DIS3L2: variants seen among roughly 807,000 people sequenced by gnomAD.
The protein encoded by DIS3L2 is DIS3 like 3'-5' exoribonuclease 2.
A neutral mutation model predicts 97.5 loss-of-function variants in DIS3L2; 34 were observed. That is an observed-to-expected ratio of 0.35 (90% confidence interval 0.27 to 0.46). DIS3L2 has a LOEUF of 0.46. Among genes scored for constraint, DIS3L2 ranks in the 20% least tolerant of loss-of-function variants. The pLI, the probability that DIS3L2 is intolerant of heterozygous loss-of-function variation, is 1.00. For missense variants in DIS3L2, 1,038 were observed against 1,146.0 expected (o/e 0.91, Z 1.36); for synonymous variants, 435 against 445.2 (o/e 0.98, Z 0.29).
Position 231,967,675 on chromosome 2 carries a change from A to AT in DIS3L2, c.-94+5917dup, listed in dbSNP as rs761766064. 3.3e-5 allele frequency among the ~76,000 whole-genome samples: 5 copies of AT among 152,270 alleles called. No individual in the cohort carries two copies. The East Asian group carries it at 5.8e-4, about 18-fold the overall frequency. On this transcript the variant is annotated intron_variant, in intron 1 of 20. Transcript: ENST00000325385. The stretch of plus-strand genomic sequence containing the variant: ...AAATGAAAAAAAGAATTGTTCTGAG[A>AT]TTTTTTTGTTGAAATAATGCATTTA...
At chr2:232,312,349 A>C (rs1268117544) in intron 14 of DIS3L2, among the ~76,000 whole-genome samples, 1 of 152,220 alleles carries the variant, frequency 6.6e-6, no homozygotes, top group African/African-American at 2.4e-5. Flanking sequence ...TTGACCCAGC[A>C]TCATTTTTTG....
chr2:232,162,991 G>A (rs1226786650), intron 8 of DIS3L2, among the ~76,000 whole-genome samples: 3 of 151,892 alleles, frequency 2.0e-5, no homozygotes, highest in Admixed American at 6.6e-5. Flanking sequence ...TGCAATGAAC[G>A]TATATTACTT....
intron 10 of DIS3L2, among the ~76,000 whole-genome samples, chr2:232,217,232 G>C (rs1692365667): frequency 6.6e-6 from 1 of 152,178 alleles, no homozygotes; most frequent in African/African-American, 2.4e-5. Flanking sequence ...TGCTTCCACT[G>C]TGAAGTAGAA....
At chr2:232,127,152 G>A (rs1698084907) in intron 6 of DIS3L2, among the ~76,000 whole-genome samples, 1 of 152,132 alleles carries the variant, frequency 6.6e-6, no homozygotes, top group Non-Finnish European at 1.5e-5. Flanking sequence ...AAGTTTCTCA[G>A]CATATAAACT....
intron 11 of DIS3L2, among the ~76,000 whole-genome samples, chr2:232,242,870 G>A (rs913823611): frequency 7.9e-5 from 12 of 152,144 alleles, no homozygotes; most frequent in Admixed American, 6.5e-5. Context: ...TTCAAGCCCC[G>A]TTTCCTTTTC....
chr2:232,030,215 A>G (rs1343929485), intron 5 of DIS3L2, 135 bp downstream of exon 5: 11 of 707,024 alleles, frequency 1.6e-5, no homozygotes, highest in Middle Eastern at 2.6e-4. Context: ...GTAATCTTGG[A>G]AGCATGCTAC....
At chr2:232,300,496 GT>G (rs1243372611) in intron 14 of DIS3L2, among the ~76,000 whole-genome samples, 2 of 152,088 alleles carry the variant, frequency 1.3e-5, no homozygotes, top group Non-Finnish European at 2.9e-5. Context: ...CTATACTTAG[GT>G]TTATGGGTTT....
At chr2:232,085,257 A>G (rs377174287) in intron 5 of DIS3L2, among the ~76,000 whole-genome samples, 1 of 152,126 alleles carries the variant, frequency 6.6e-6, no homozygotes, top group African/African-American at 2.4e-5. Flanking sequence ...CATTCTTTCA[A>G]TATATTTAAT....
At chr2:232,310,743 A>G (rs1313624663) in intron 14 of DIS3L2, among the ~76,000 whole-genome samples, 3 of 152,188 alleles carry the variant, frequency 2.0e-5, no homozygotes, top group East Asian at 1.9e-4. Context: ...TACCCCAGCT[A>G]TCTGATGCAA....
At chr2:232,262,775 A>G (rs181358282) in intron 12 of DIS3L2, among the ~76,000 whole-genome samples, 9 of 152,130 alleles carry the variant, frequency 5.9e-5, no homozygotes, top group Admixed American at 2.6e-4. Context: ...TCTTTTTGTC[A>G]GTGGCCCCAC....
At chr2:232,141,966 A>T (rs1690060760) in intron 8 of DIS3L2, among the ~76,000 whole-genome samples, 1 of 152,220 alleles carries the variant, frequency 6.6e-6, no homozygotes, top group African/African-American at 2.4e-5. Context: ...AACAAACAGA[A>T]GAAATTAGTT....
chr2:231,994,498 C>T (rs1410520062), intron 1 of DIS3L2, among the ~76,000 whole-genome samples: 1 of 152,092 alleles, frequency 6.6e-6, no homozygotes, highest in East Asian at 1.9e-4. Flanking sequence ...TCATGGTCTA[C>T]TAGTGTCAAC....
chr2:232,146,811 G>A (rs1002624379), intron 8 of DIS3L2, among the ~76,000 whole-genome samples: 1 of 152,080 alleles, frequency 6.6e-6, no homozygotes. Flanking sequence ...GGGCACTCTA[G>A]TTTTTGTTAT....
At chr2:231,967,367 G>A (rs1448058194) in intron 1 of DIS3L2, among the ~76,000 whole-genome samples, 3 of 152,162 alleles carry the variant, frequency 2.0e-5, no homozygotes, top group Non-Finnish European at 4.4e-5. Flanking sequence ...AGAAGTTTGT[G>A]GTGATTATCT....
Position 232,161,545 on chromosome 2 carries a change from G to A in DIS3L2, c.951-1914G>A, listed in dbSNP as rs914993366. On this transcript the variant is annotated intron_variant, in intron 8 of 20. Coordinates refer to ENST00000325385, the MANE Select transcript of DIS3L2 (RefSeq NM_152383.5). ...CAGTGCAGTAATGCCATCTTGGCTC[G>A]CTGCAACCTCCATTTCCTGGATTTA... 5.9e-5 allele frequency among the ~76,000 whole-genome samples: 9 copies of A among 152,050 alleles called. 2 individuals carry two copies. The South Asian group carries it at 1.0e-3, about 18-fold the overall frequency.
intron 14 of DIS3L2, 28 bp from the exon 15 acceptor site, chr2:232,329,785 T>TCCCGGGGGCCCCC: frequency 3.0e-5 from 29 of 967,134 alleles, no homozygotes; most frequent in Non-Finnish European, 3.2e-5. Context: ...ACCCCAGCGG[T>TCCCGGGGGCCCCC]CCCTCCCATC....
chr2:232,255,231 G>A (rs1234908427), intron 12 of DIS3L2, among the ~76,000 whole-genome samples: 2 of 152,192 alleles, frequency 1.3e-5, no homozygotes, highest in Non-Finnish European at 2.9e-5. Flanking sequence ...GAGGATCTCC[G>A]AAGCCTGTGT....
chr2:232,111,128 C>T, intron 6 of DIS3L2: 1 of 411,028 alleles, frequency 2.4e-6, no homozygotes, highest in South Asian at 1.8e-5. Flanking sequence ...TTAAAAAGAT[C>T]TTATTAAAAA....
chr2:232,001,557 C>G (rs1337120700), intron 1 of DIS3L2, among the ~76,000 whole-genome samples: 1 of 61,920 alleles, frequency 1.6e-5, no homozygotes, highest in Non-Finnish European at 2.8e-5. Flanking sequence ...TGCCATTTGT[C>G]TTTTTTTTTT....
Sources: allele counts gnomAD v4.1 joint callset (sites outside exome capture counted in the v4.1 genomes callset), GRCh38; gene constraint gnomAD v4.1.1; transcripts MANE v1.5; gene names NCBI Gene and HGNC (gene_info 2026-07-23, HGNC 2026-07-21).